KIT: variants seen among roughly 807,000 people sequenced by gnomAD.
KIT encodes the protein mast/stem cell growth factor receptor Kit.
Under a neutral mutation model 105.7 loss-of-function variants are expected in KIT, and 16 were observed. The ratio of observed to expected loss-of-function variants is 0.15; its 90% CI spans 0.10 to 0.23. The LOEUF is 0.23. Ranked by LOEUF, KIT falls within the 10% of genes least tolerant of loss-of-function variation. The pLI is 1.00. For missense variants in KIT, 858 were observed against 1,213.8 expected, an observed-to-expected ratio of 0.71 and a Z score of 4.36; for synonymous variants, 438 against 441.1, an observed-to-expected ratio of 0.99 and a Z score of 0.09.
intron 4 of KIT, 108 bp from the exon 5 acceptor site, chr4:54,703,616 T>C: frequency 1.2e-6 from 1 of 866,250 alleles, no homozygotes; most frequent in Non-Finnish European, 1.9e-6. Context: ...TAATGAAAGT[T>C]AATATGGAGA....
At chr4:54,666,268 GTTTTTTGTT>G (rs1199248237) in intron 1 of KIT, among the ~76,000 whole-genome samples, 3 of 151,874 alleles carry the variant, frequency 2.0e-5, no homozygotes, top group Non-Finnish European at 4.4e-5. Flanking sequence ...TTTTGTTTTT[GTTTTTTGTT>G]TTTTTTGTTT....
Position 54,724,966 on chromosome 4 carries a change from G to A in KIT, c.1347-891G>A, listed in dbSNP as rs557323499. Among the ~76,000 whole-genome samples, 13 of 152,304 alleles carry A rather than the reference G, an allele frequency of 8.5e-5. No individual in the cohort carries two copies. The East Asian group carries it at 2.3e-3, about 27-fold the overall frequency. On this transcript the variant is annotated intron_variant, in intron 8 of 20. Coordinates refer to ENST00000288135, the MANE Select transcript of KIT (RefSeq NM_000222.3). ...AGGGAATAGCTAGGTGTTTAGAATAGGGAAGTCGGGGTCTGGCTCATGAAA... is the reference window on the plus strand; with the variant it reads ...AGGGAATAGCTAGGTGTTTAGAATAAGGAAGTCGGGGTCTGGCTCATGAAA...
chr4:54,664,471 A>G (rs1389844030), intron 1 of KIT, among the ~76,000 whole-genome samples: 5 of 152,230 alleles, frequency 3.3e-5, no homozygotes, highest in Admixed American at 6.5e-5. Flanking sequence ...CCAATTAGAC[A>G]TACTCCCCAG....
chr4:54,739,810 T>G lies in KIT; in HGVS notation c.*1253T>G. 1 of 233,564 alleles carries G rather than the reference T, an allele frequency of 4.3e-6. No individual in the cohort carries two copies. The highest frequency in any genetic ancestry group is 8.5e-6 in the Non-Finnish European group (1 of 117,976). The allele number at this position is 233,564 out of a possible 1,614,324, so 14.5% of individuals were successfully genotyped here. A position where few individuals can be genotyped will look rare whatever the true frequency, so the allele number is the denominator to read the frequency against. On this transcript the variant is annotated 3_prime_UTR_variant, in exon 21 of 21. Coordinates refer to ENST00000288135, the MANE Select transcript of KIT (RefSeq NM_000222.3). Reference sequence around the variant, plus strand: ...TTTTCACATAGCTGTCTAGAGTAGCTTACCAGAAGCTTCCATAGTGGTGCA... The same window carrying G: ...TTTTCACATAGCTGTCTAGAGTAGCGTACCAGAAGCTTCCATAGTGGTGCA...
intron 1 of KIT, among the ~76,000 whole-genome samples, chr4:54,684,368 G>C (rs1230349494): frequency 1.3e-5 from 2 of 152,038 alleles, no homozygotes; most frequent in Admixed American, 6.5e-5. Flanking sequence ...GAAAAGAGTA[G>C]GTCCAAAAAA....
At chr4:54,737,841 T>G (rs1052679721) in intron 20 of KIT, among the ~76,000 whole-genome samples, 6 of 152,144 alleles carry the variant, frequency 3.9e-5, no homozygotes, top group Admixed American at 1.3e-4. Flanking sequence ...TCAAATCCAT[T>G]ATTTCCTCTC....
intron 7 of KIT, among the ~76,000 whole-genome samples, chr4:54,717,003 C>G (rs969103143): frequency 6.6e-6 from 1 of 152,138 alleles, no homozygotes; most frequent in Admixed American, 6.5e-5. Context: ...AATATGTGTT[C>G]ATTTGAGATA....
rs544857673 is a variant in KIT at position 54,670,825 on chromosome 4, G to A, written c.67+12744G>A. Among the ~76,000 whole-genome samples the A allele has an allele frequency of 2.0e-5, 3 of 152,266 alleles. No individual in the cohort carries two copies. In the South Asian group the frequency reaches 6.2e-4, roughly 32 times the overall value. ...CAGGGGAAGGGGAATTGTACAGAGC[G>A]GGCTTGCTGGGTTTCACCACTCTGT... On this transcript the variant is annotated intron_variant, in intron 1 of 20. Transcript: ENST00000288135.
chr4:54,705,395 T>C (rs1720722058), intron 5 of KIT, among the ~76,000 whole-genome samples: 1 of 152,302 alleles, frequency 6.6e-6, no homozygotes, highest in African/African-American at 2.4e-5. Context: ...GATGGAGTGA[T>C]GAAGAGAACA....
rs2109819483 is a variant in KIT, at chr4:54,738,542, G to A, written c.2916G>A (p.Val972=). Residue 972 remains valine (V), a synonymous_variant, in exon 21 of 21, where the codon GTG becomes GTA. Coordinates refer to ENST00000288135, the MANE Select transcript of KIT (RefSeq NM_000222.3). ...CTTCCTCCTCCCAGCCTCTGCTTGTGCACGACGATGTCTGAGCAGAATCAG... is the reference window on the plus strand; with the variant it reads ...CTTCCTCCTCCCAGCCTCTGCTTGTACACGACGATGTCTGAGCAGAATCAG... The part of the protein sequence containing the change: ...STASSSQPLL[V]HDDV The A allele has an allele frequency of 6.2e-7, 1 of 1,613,978 alleles. No homozygotes were observed. The highest frequency in any genetic ancestry group is 8.5e-7 in the Non-Finnish European group (1 of 1,179,986).
At chr4:54,663,099 A>G (rs1490821597) in intron 1 of KIT, among the ~76,000 whole-genome samples, 1 of 151,770 alleles carries the variant, frequency 6.6e-6, no homozygotes, top group African/African-American at 2.4e-5. Flanking sequence ...CATTTTGGTT[A>G]TGACACACTT....
At chr4:54,677,326 G>C (rs1164139013) in intron 1 of KIT, among the ~76,000 whole-genome samples, 2 of 151,576 alleles carry the variant, frequency 1.3e-5, no homozygotes. Context: ...TATGGGAAAG[G>C]CAGGTCCCTG....
chr4:54,690,573 G>T (rs1326983977), intron 1 of KIT, among the ~76,000 whole-genome samples: 1 of 152,322 alleles, frequency 6.6e-6, no homozygotes, highest in East Asian at 1.9e-4. Flanking sequence ...TAATTAACAT[G>T]TGTTCAGGGA....
At chr4:54,664,610 T>C (rs903052352) in intron 1 of KIT, among the ~76,000 whole-genome samples, 1 of 150,848 alleles carries the variant, frequency 6.6e-6, no homozygotes, top group Non-Finnish European at 1.5e-5. Flanking sequence ...TATTTATTTA[T>C]TTATTTATTT....
intron 1 of KIT, among the ~76,000 whole-genome samples, chr4:54,690,713 G>T (rs1001752480): frequency 6.6e-6 from 1 of 152,122 alleles, no homozygotes; most frequent in South Asian, 2.1e-4. Flanking sequence ...TGTCTACCAC[G>T]CACATTTCAA....
intron 1 of KIT, among the ~76,000 whole-genome samples, chr4:54,675,497 A>G (rs147545232): frequency 9.8e-5 from 15 of 152,372 alleles, no homozygotes; most frequent in African/African-American, 2.9e-4. Context: ...TTGACCAGCA[A>G]GCGTTCTGAT....
chr4:54,700,488 A>AAGAGC (rs1461117609), intron 4 of KIT, among the ~76,000 whole-genome samples: 1 of 152,178 alleles, frequency 6.6e-6, no homozygotes, highest in Non-Finnish European at 1.5e-5. Context: ...TCCCTACTAA[A>AAGAGC]AGAGCAGAGT....
chr4:54,719,898 T>C (rs1721752834), intron 7 of KIT, among the ~76,000 whole-genome samples: 1 of 152,200 alleles, frequency 6.6e-6, no homozygotes, highest in Admixed American at 6.5e-5. Context: ...GTACAGCTCA[T>C]GCTGTACTAG....
At chr4:54,698,741 C>T (rs887305287) in intron 3 of KIT, among the ~76,000 whole-genome samples, 176 bp downstream of exon 3, 4 of 152,192 alleles carry the variant, frequency 2.6e-5, no homozygotes, top group Non-Finnish European at 4.4e-5. Flanking sequence ...GTCCTGACCC[C>T]GTGTGGCAGT....
Sources: gnomAD v4.1 joint callset for allele counts (sites outside exome capture counted in the v4.1 genomes callset) on GRCh38, gnomAD v4.1.1 for gene constraint, MANE v1.5 for transcripts, NCBI Gene and HGNC (gene_info 2026-07-23, HGNC 2026-07-21) for gene names.